The following PDCD11 variants were observed in gnomAD, a reference collection of about 807,000 sequenced individuals.
PDCD11 encodes programmed cell death 11, also known as protein RRP5 homolog.
In PDCD11, 97 loss-of-function variants were observed where a neutral mutation model predicts 198.9. The observed-to-expected ratio is 0.49, with a 90% CI of 0.41 to 0.58. The LOEUF (loss-of-function observed/expected upper bound fraction) is 0.58, where lower values mean the gene tolerates loss of function less well. Ranked by LOEUF, PDCD11 falls within the 20% of genes least tolerant of loss-of-function variation. PDCD11 has a pLI of 0.00. For synonymous variants in PDCD11, 893 were observed against 918.0 expected (o/e 0.97, Z 0.49); for missense variants, 2,102 against 2,312.7 (o/e 0.91, Z 1.87).
chr10:103,398,819 G>C (rs1364103186), intron 2 of PDCD11, among the ~76,000 whole-genome samples: 1 of 152,192 alleles, frequency 6.6e-6, no homozygotes, highest in Non-Finnish European at 1.5e-5. Context: ...AGGAATTCAA[G>C]AGCAGCCTGG....
intron 15 of PDCD11, 131 bp downstream of exon 15, chr10:103,418,765 C>G (rs1035046233): frequency 1.3e-6 from 1 of 742,680 alleles, no homozygotes; most frequent in Non-Finnish European, 2.2e-6. Context: ...AGTGATGAAG[C>G]CTGTGCTATG....
rs768238924 is a variant in PDCD11, at chr10:103,423,105, T to A, written c.2615T>A (p.Leu872Gln). 1 of 1,595,282 alleles carries A rather than the reference T, an allele frequency of 6.3e-7. No homozygotes were observed. The highest frequency in any genetic ancestry group is 1.1e-5 in the South Asian group (1 of 87,628). The change falls in exon 18 of 36, where the codon CTG becomes CAG. Residue 872 changes from leucine (L) to glutamine (Q), a missense_variant. By Grantham distance (113) the Leu-to-Gln change is moderately radical. Transcript: ENST00000369797. Reference protein sequence around the residue: ...VVFSGGPVPDLVLKASRYHRA... With the variant: ...VVFSGGPVPDQVLKASRYHRA... ...TTCAGTGGGGGTCCAGTGCCCGACC[T>A]GGTCCTGAAAGCCAGCAGATACCAT...
At chr10:103,415,620 G>A (rs1038685919) in intron 12 of PDCD11, among the ~76,000 whole-genome samples, 4 of 152,234 alleles carry the variant, frequency 2.6e-5, no homozygotes, top group Admixed American at 6.5e-5. Context: ...GGAAATTAAA[G>A]CTTCGGAAAG....
intron 25 of PDCD11, among the ~76,000 whole-genome samples, chr10:103,437,758 G>T (rs2032210853): frequency 6.6e-6 from 1 of 152,162 alleles, no homozygotes; most frequent in South Asian, 2.1e-4. Context: ...AAAGTGCTGG[G>T]ATTACAGGCG....
At chr10:103,418,669 G>A (rs1274883913) in intron 15 of PDCD11, 35 bp downstream of exon 15, 1 of 1,573,626 alleles carries the variant, frequency 6.4e-7, no homozygotes, top group East Asian at 2.2e-5. Flanking sequence ...GCAGAGGAAG[G>A]TGGGGGGCCA....
chr10:103,400,641 A>T, intron 3 of PDCD11, 113 bp downstream of exon 3: 1 of 1,098,762 alleles, frequency 9.1e-7, no homozygotes, highest in East Asian at 2.4e-5. Context: ...TCCCCTTAAT[A>T]TATTATATTT....
In PDCD11 at chr10:103,421,339, TC is replaced by T. The variant is rs776665764; in HGVS notation, c.2278-8del. ...CCTCTTCTCATCTCCTGCCTGTTCT[TC>T]TGTTCAGATCATGAGTGACAAATTT... On this transcript the variant is annotated splice_polypyrimidine_tract_variant and splice_region_variant and intron_variant, in intron 16 of 35. Coordinates refer to ENST00000369797, the MANE Select transcript of PDCD11 (RefSeq NM_014976.2). 8 of 1,597,492 alleles carry T rather than the reference TC, an allele frequency of 5.0e-6. No homozygotes were observed. Among genetic ancestry groups the T allele is most frequent in the Non-Finnish European group, 3.4e-6 (4 of 1,170,184 alleles).
chr10:103,434,933 C>T lies in PDCD11; in HGVS notation c.3803C>T (p.Ser1268Phe), dbSNP rs1471231448. 6.3e-7 allele frequency: 1 copy of T among 1,596,734 alleles called. No individual in the cohort carries two copies. Among genetic ancestry groups the T allele is most frequent in the Non-Finnish European group, 8.5e-7 (1 of 1,171,706 alleles). ...ATATTTCACATGAGTGACTCCTACTCCGAGACGCCCCTGGAAGACTTCGTC... is the reference window on the plus strand; with the variant it reads ...ATATTTCACATGAGTGACTCCTACTTCGAGACGCCCCTGGAAGACTTCGTC... The part of the protein sequence containing the change: ...VSIFHMSDSY[S>F]ETPLEDFVPQ... The change falls in exon 25 of 36, where the codon TCC becomes TTC. Residue 1268 changes from serine to phenylalanine, a missense_variant. Ser to Phe is a radical substitution (Grantham distance 155, BLOSUM62 -2). Coordinates refer to ENST00000369797, the MANE Select transcript of PDCD11 (RefSeq NM_014976.2).
intron 21 of PDCD11, among the ~76,000 whole-genome samples, chr10:103,428,247 G>C (rs912208484): frequency 8.6e-5 from 13 of 151,298 alleles, no homozygotes; most frequent in Admixed American, 7.9e-4. Flanking sequence ...GGAGGTTGGA[G>C]TAAGTCAAAA....
chr10:103,438,907 A>T, intron 27 of PDCD11, 99 bp downstream of exon 27: 2 of 1,280,790 alleles, frequency 1.6e-6, no homozygotes, highest in South Asian at 1.3e-5. Flanking sequence ...TTTGATGGGA[A>T]TATGAAGGGA....
chr10:103,397,211 CTTT>C (rs11316851), intron 1 of PDCD11, among the ~76,000 whole-genome samples: 5 of 124,790 alleles, frequency 4.0e-5, no homozygotes, highest in African/African-American at 8.9e-5. Flanking sequence ...CATTTGAATC[CTTT>C]TTTTTTTTTT....
At chr10:103,397,109 C>G (rs546677529) in intron 1 of PDCD11, among the ~76,000 whole-genome samples, 1 of 151,830 alleles carries the variant, frequency 6.6e-6, no homozygotes, top group Non-Finnish European at 1.5e-5. Context: ...CTTGTAGAGT[C>G]TTATTACCAA....
At position 103,441,998 on chromosome 10, in the gene PDCD11, T is replaced by A. The variant is rs753877381; in HGVS notation, c.4707+23T>A. ...ACGGTGCTGTATTTTGCAGGGCATG[T>A]CCTTTTTGCAGGGACCCCTTGGTGT... On this transcript the variant is annotated intron_variant, in intron 31 of 35. Transcript: ENST00000369797. 5 of 1,613,238 alleles carry A rather than the reference T, an allele frequency of 3.1e-6. No individual in the cohort carries two copies. In the South Asian group the frequency reaches 5.5e-5, roughly 18 times the overall value.
In PDCD11 at chr10:103,434,276, G is replaced by A. The variant is rs761900303; in HGVS notation, c.3593G>A (p.Arg1198Gln). Residue 1198 changes from arginine (R) to glutamine (Q), a missense_variant, in exon 24 of 36, where the codon CGG becomes CAG. Transcript: ENST00000369797. ...KVLKHPDKKF[R>Q]VGQALRATVV... ...CTGAAGCATCCAGATAAGAAGTTCC[G>A]GGTTGGCCAGGCCCTGAGGGCCACC... 1.6e-5 allele frequency: 26 copies of A among 1,613,490 alleles called. No homozygotes were observed. Among genetic ancestry groups the A allele is most frequent in the South Asian group, 4.4e-5 (4 of 91,070 alleles).
chr10:103,399,469 T>C (rs1003263347), intron 2 of PDCD11, among the ~76,000 whole-genome samples: 7 of 152,110 alleles, frequency 4.6e-5, no homozygotes, highest in African/African-American at 1.7e-4. Flanking sequence ...CTTAGCCTCC[T>C]GAGTAACTGG....
In PDCD11 at chr10:103,434,244, C is replaced by T. The variant is rs1232801982; in HGVS notation, c.3565-4C>T. 1.9e-6 allele frequency: 3 copies of T among 1,603,166 alleles called. No homozygotes were observed. The highest frequency in any genetic ancestry group is 4.5e-5 in the East Asian group (2 of 44,860). On this transcript the variant is annotated splice_region_variant and splice_polypyrimidine_tract_variant and intron_variant, in intron 23 of 35. Coordinates refer to ENST00000369797, the MANE Select transcript of PDCD11 (RefSeq NM_014976.2). ...GCATCACAGGAGTTTTTTTATCCTT[C>T]CAGGTTCTGAAGCATCCAGATAAGA...
intron 24 of PDCD11, 104 bp from the exon 25 acceptor site, chr10:103,434,694 A>G (rs2032077591): frequency 1.1e-6 from 1 of 913,992 alleles, no homozygotes; most frequent in Non-Finnish European, 1.6e-6. Context: ...CAGATACCCC[A>G]AGTCTGGGCA....
In PDCD11 at chr10:103,444,135, G is replaced by A. The variant is rs2032503405; in HGVS notation, c.5278+67G>A. On this transcript the variant is annotated intron_variant, in intron 34 of 35. Coordinates refer to ENST00000369797, the MANE Select transcript of PDCD11 (RefSeq NM_014976.2). Reference sequence around the variant, plus strand: ...GGATCGGGGAGTAGGAACTGGCTGTGGCATTGCTTCTTCTAAGTCAGGAGA... The same window carrying A: ...GGATCGGGGAGTAGGAACTGGCTGTAGCATTGCTTCTTCTAAGTCAGGAGA... 2.1e-6 allele frequency: 3 copies of A among 1,399,668 alleles called. No homozygotes were observed. The Admixed American group carries it at 6.0e-5, about 28-fold the overall frequency. The allele number at this position is 1,399,668 out of a possible 1,614,324, so 86.7% of individuals were successfully genotyped here.
rs1049271559 is a variant in PDCD11 at position 103,405,991 on chromosome 10, A to C, written c.571A>C (p.Thr191Pro). ...AEALKPGMLL[T>P]GTVSSLEDHG... ...ACTACTTTCTCTTCCCCAGCTACTT[A>C]CAGGTACCGTATCCAGCCTGGAAGA... The change falls in exon 6 of 36, where the codon ACA (threonine) becomes CCA (proline). Residue 191 changes from threonine to proline, a missense_variant. Transcript: ENST00000369797. The C allele has an allele frequency of 1.2e-6, 2 of 1,613,918 alleles. No homozygotes were observed. Among genetic ancestry groups the C allele is most frequent in the East Asian group, 4.5e-5 (2 of 44,882 alleles).
Sources: gnomAD v4.1 joint callset for allele counts (sites outside exome capture counted in the v4.1 genomes callset) on GRCh38, gnomAD v4.1.1 for gene constraint, MANE v1.5 for transcripts, NCBI Gene and HGNC (gene_info 2026-07-23, HGNC 2026-07-21) for gene names.